Variants in SEMA4G observed in about 807,000 individuals in gnomAD.
SEMA4G encodes the protein semaphorin-4G.
In SEMA4G, 59 loss-of-function variants were observed where a neutral mutation model predicts 81.2. The observed-to-expected ratio is 0.73, with a 90% CI of 0.59 to 0.90. The LOEUF (loss-of-function observed/expected upper bound fraction) is 0.90. Among genes scored for constraint, SEMA4G ranks in the 40% least tolerant of loss-of-function variants. SEMA4G has a pLI of 0.00. For synonymous variants in SEMA4G, 404 were observed against 433.9 expected (o/e 0.93, Z 0.86); for missense variants, 952 against 1,102.3 (o/e 0.86, Z 1.93).
upstream of SEMA4G, chr10:100,969,761 G>C (rs1850576857): frequency 4.2e-5 from 18 of 429,572 alleles, no homozygotes; most frequent in South Asian, 2.8e-4. Flanking sequence ...CGCGGGCCAG[G>C]CCTCGGGCTG....
upstream of SEMA4G, among the ~76,000 whole-genome samples, chr10:100,972,188 C>T (rs1037978532): frequency 6.6e-6 from 1 of 152,158 alleles, no homozygotes; most frequent in Non-Finnish European, 1.5e-5. Flanking sequence ...CAGCTGCTGA[C>T]CGAGTTGCAT....
chr10:100,979,835 T>C lies in SEMA4G; in HGVS notation c.984-13T>C. On this transcript the variant is annotated splice_polypyrimidine_tract_variant and intron_variant, in intron 8 of 13. Transcript: ENST00000370250. ...CATGTAACTCACCCCCCTTGCCCTA[T>C]GTCCCATTCTAGGAAGACCCTGGAG... 10 of 1,612,640 alleles carry C rather than the reference T, an allele frequency of 6.2e-6. No individual in the cohort carries two copies. Among genetic ancestry groups the C allele is most frequent in the Non-Finnish European group, 8.5e-6 (10 of 1,179,852 alleles).
exon 14 of SEMA4G, chr10:100,984,804 G>T (rs1162547813): frequency 3.3e-6 from 5 of 1,534,718 alleles, no homozygotes; most frequent in Non-Finnish European, 4.4e-6. Context: ...GCCTGGGGAG[G>T]TAAGACTGCA....
Position 100,973,964 on chromosome 10 carries a change from C to G in SEMA4G, c.336+355C>G, listed in dbSNP as rs1165372288. ...CTAAGTGTTTTATTTTTTGTAGAAACAGGGTCTTGCTATGTTGCCCAGGCT... is the reference window on the plus strand; with the variant it reads ...CTAAGTGTTTTATTTTTTGTAGAAAGAGGGTCTTGCTATGTTGCCCAGGCT... On this transcript the variant is annotated intron_variant, in intron 3 of 13. Transcript: ENST00000370250. This position sits in a 1 kb window ranked among gnomAD's most constrained non-coding sequence, Gnocchi z 5.5. 6.6e-6 allele frequency among the ~76,000 whole-genome samples: 1 copy of G among 151,754 alleles called. No homozygotes were observed. The highest frequency in any genetic ancestry group is 1.5e-5 in the Non-Finnish European group (1 of 67,970).
chr10:100,984,578 C>A, exon 14 of SEMA4G: 1 of 1,536,208 alleles, frequency 6.5e-7, no homozygotes, highest in East Asian at 2.4e-5. Flanking sequence ...GACAAGACCT[C>A]TGCCAGCCAC....
chr10:100,976,440 TG>T (rs1327010475), intron 3 of SEMA4G, among the ~76,000 whole-genome samples: 32 of 152,142 alleles, frequency 2.1e-4, no homozygotes, highest in Admixed American at 2.0e-3. Context: ...CTCGACCTCC[TG>T]GGCTCAAACA....
chr10:100,980,208 A>G (rs758828192), exon 10 of SEMA4G: 1 of 1,614,234 alleles, frequency 6.2e-7, no homozygotes, highest in Admixed American at 1.7e-5. Flanking sequence ...AGTTGCACCC[A>G]CTGATGGCTC....
chr10:100,980,537 T>G (rs1324317186), intron 10 of SEMA4G, 41 bp from the exon 12 acceptor site: 2 of 1,536,624 alleles, frequency 1.3e-6, no homozygotes, highest in Admixed American at 3.3e-5. Context: ...TGAGAGCAGA[T>G]CCCATAGTTG....
In SEMA4G at chr10:100,980,574, C is replaced by G. The variant is rs1363343689; in HGVS notation, c.1352-4C>G. On this transcript the variant is annotated splice_region_variant and splice_polypyrimidine_tract_variant and intron_variant, in intron 10 of 13. Coordinates refer to ENST00000370250, the Ensembl canonical transcript of SEMA4G. ...GGTCTAACTCTCTGCTCTTTCCATA[C>G]CAGCTGATGGCTGGATCCACAAGGC... is the stretch of plus-strand genomic sequence containing the variant. The G allele has an allele frequency of 6.2e-7, 1 of 1,612,208 alleles. No individual in the cohort carries two copies. Among genetic ancestry groups the G allele is most frequent in the African/African-American group, 1.3e-5 (1 of 74,872 alleles).
chr10:100,970,003 A>C, upstream of SEMA4G: 1 of 419,524 alleles, frequency 2.4e-6, no homozygotes, highest in Admixed American at 2.4e-5. Context: ...GGGCTCTCTC[A>C]AGCCAGGAGA....
chr10:100,977,658 C>T, exon 4 of SEMA4G: 1 of 1,614,136 alleles, frequency 6.2e-7, no homozygotes, highest in Non-Finnish European at 8.5e-7. Context: ...ATGTGCGGTT[C>T]CTGCAGCGGC....
At chr10:100,980,297 T>A (rs1851001929) in exon 10 of SEMA4G, 1 of 1,614,206 alleles carries the variant, frequency 6.2e-7, no homozygotes, top group Non-Finnish European at 8.5e-7. Context: ...GGGACACCTG[T>A]CACCACGCCT....
In SEMA4G at chr10:100,978,198, C is replaced by A. The variant is rs1850884355; in HGVS notation, c.436-97C>A. 5 of 815,126 alleles carry A rather than the reference C, an allele frequency of 6.1e-6. No individual in the cohort carries two copies. In the Admixed American group the frequency reaches 1.1e-4, roughly 18 times the overall value. 50.5% of individuals were successfully genotyped at this position (815,126 alleles called of 1,614,324 possible). On this transcript the variant is annotated intron_variant, in intron 4 of 13. Transcript: ENST00000370250. ...CATCTGCCATACAACCTGCCCCTAT[C>A]CCTGATCGCTGATCCCTGACCCCAG...
chr10:100,980,596 A>G (rs201540929), exon 11 of SEMA4G: 1 of 1,614,122 alleles, frequency 6.2e-7, no homozygotes, highest in East Asian at 2.2e-5. Flanking sequence ...TGGATCCACA[A>G]GGCCGTAGTC....
At chr10:100,978,671 G>A (rs768132389) in intron 6 of SEMA4G, 31 bp downstream of exon 7, 4 of 1,593,360 alleles carry the variant, frequency 2.5e-6, no homozygotes, top group Non-Finnish European at 3.4e-6. Flanking sequence ...GATGATGGGG[G>A]GTAGGGGACT....
exon 14 of SEMA4G, chr10:100,983,987 G>A: frequency 1.2e-6 from 2 of 1,612,864 alleles, no homozygotes. Context: ...TGCGGAGGAT[G>A]AATGGCAATA....
chr10:100,982,873 G>A (rs1042451652), intron 13 of SEMA4G, among the ~76,000 whole-genome samples: 1 of 152,226 alleles, frequency 6.6e-6, no homozygotes, highest in Non-Finnish European at 1.5e-5. Context: ...CTGTGTGGCT[G>A]GTGGTGCCAT....
At chr10:100,982,470 A>T (rs1030300969) in intron 13 of SEMA4G, among the ~76,000 whole-genome samples, 4 of 152,218 alleles carry the variant, frequency 2.6e-5, no homozygotes, top group Non-Finnish European at 4.4e-5. Flanking sequence ...TAGATGCCAG[A>T]AACAGAATCT....
upstream of SEMA4G, among the ~76,000 whole-genome samples, chr10:100,971,604 G>A (rs558220281): frequency 2.0e-5 from 3 of 152,274 alleles, no homozygotes; most frequent in Middle Eastern, 3.4e-3. Flanking sequence ...CTCTGGCCCT[G>A]CCTGTGGGTG....
Sources: allele counts gnomAD v4.1 joint callset (sites outside exome capture counted in the v4.1 genomes callset), GRCh38; gene constraint gnomAD v4.1.1; non-coding constraint Gnocchi (gnomAD v3.1); transcripts MANE v1.5; gene names NCBI Gene and HGNC (gene_info 2026-07-23, HGNC 2026-07-21).